ANKMY2: variants seen among roughly 807,000 people sequenced by gnomAD.
The protein encoded by ANKMY2 is ankyrin repeat and MYND domain-containing protein 2.
Under a neutral mutation model 50.4 loss-of-function variants are expected in ANKMY2, and 36 were observed. That is an observed-to-expected ratio of 0.71 (90% CI 0.55 to 0.94). The LOEUF (loss-of-function observed/expected upper bound fraction) is 0.94, where lower values mean the gene tolerates loss of function less well. Ranked by LOEUF, ANKMY2 falls within the 40% of genes least tolerant of loss-of-function variation. ANKMY2 has a pLI of 0.00. For missense variants in ANKMY2, 565 were observed against 524.0 expected (o/e 1.08, Z -0.76); for synonymous variants, 187 against 178.8 (o/e 1.05, Z -0.36).
rs1781082307 is a variant in ANKMY2 at position 16,602,389 on chromosome 7, C to T, written c.1132G>A (p.Glu378Lys). 6.2e-7 allele frequency: 1 copy of T among 1,612,570 alleles called. No individual in the cohort carries two copies. Among genetic ancestry groups the T allele is most frequent in the Non-Finnish European group, 8.5e-7 (1 of 1,179,722 alleles). Reference sequence around the variant, plus strand: ...GTTTTTATATACATACGGTTTTCCTCTTGTCTCTTTTCTTTGGCAGCCTCC... The same window carrying T: ...GTTTTTATATACATACGGTTTTCCTTTTGTCTCTTTTCTTTGGCAGCCTCC... The part of the protein sequence containing the change: ...QLEAAKEKRQ[E>K]ENHGKLDVNS... The change falls in exon 9 of 10, where the codon GAG becomes AAG. Residue 378 changes from glutamate (E) to lysine (K), a missense_variant. Transcript: ENST00000306999.
Position 16,645,676 on chromosome 7 carries a change from C to A in ANKMY2, c.-103G>T. ...CAGCCGCAATGAGGCAACTTGAGACCAAGACACTGAGTAGCCAACCGCGGA... is the reference window on the plus strand; with the variant it reads ...CAGCCGCAATGAGGCAACTTGAGACAAAGACACTGAGTAGCCAACCGCGGA... On this transcript the variant is annotated 5_prime_UTR_variant, in exon 1 of 10. Transcript: ENST00000306999. The A allele has an allele frequency of 7.7e-7, 1 of 1,297,744 alleles. No homozygotes were observed. Among genetic ancestry groups the A allele is most frequent in the South Asian group, 1.4e-5 (1 of 70,732 alleles). The allele number at this position is 1,297,744 out of a possible 1,614,324, so 80.4% of individuals were successfully genotyped here.
intron 4 of ANKMY2, among the ~76,000 whole-genome samples, chr7:16,621,601 T>C (rs1323087216): frequency 6.6e-6 from 1 of 152,194 alleles, no homozygotes; most frequent in African/African-American, 2.4e-5. Context: ...AGAATACTTA[T>C]GTAACTCCTG....
intron 4 of ANKMY2, among the ~76,000 whole-genome samples, chr7:16,620,386 G>A (rs1186519305): frequency 1.3e-5 from 2 of 152,162 alleles, no homozygotes; most frequent in African/African-American, 4.8e-5. Context: ...GGTATGATTG[G>A]CACAGGTTTT....
intron 8 of ANKMY2, chr7:16,603,627 T>A (rs1457633313): frequency 1.1e-5 from 5 of 471,098 alleles, no homozygotes; most frequent in Non-Finnish European, 2.2e-5. Context: ...CTTGCATTCA[T>A]ACACTTTCTC....
chr7:16,618,178 A>G (rs1781384877), intron 4 of ANKMY2, among the ~76,000 whole-genome samples: 1 of 151,968 alleles, frequency 6.6e-6, no homozygotes, highest in African/African-American at 2.4e-5. Flanking sequence ...TGCCTGCCTT[A>G]GCCTCCCAAA....
At chr7:16,621,130 T>C (rs999517262) in intron 4 of ANKMY2, among the ~76,000 whole-genome samples, 23 of 152,108 alleles carry the variant, frequency 1.5e-4, no homozygotes, top group Admixed American at 3.3e-4. Context: ...AAGAAAAAAA[T>C]ACAGAAATCA....
intron 4 of ANKMY2, among the ~76,000 whole-genome samples, chr7:16,619,354 A>G (rs1293193652): frequency 6.6e-6 from 1 of 151,882 alleles, no homozygotes; most frequent in Non-Finnish European, 1.5e-5. Flanking sequence ...GGGTTTCTCC[A>G]TGTTCATCAG....
At chr7:16,619,583 A>G (rs62443206) in intron 4 of ANKMY2, among the ~76,000 whole-genome samples, 1 of 152,062 alleles carries the variant, frequency 6.6e-6, no homozygotes, top group African/African-American at 2.4e-5. Context: ...TATTTGAATA[A>G]TATGTTTAAA....
chr7:16,613,305 T>G (rs1350570389), intron 5 of ANKMY2, among the ~76,000 whole-genome samples: 1 of 152,212 alleles, frequency 6.6e-6, no homozygotes, highest in African/African-American at 2.4e-5. Flanking sequence ...GAGGTTGTTT[T>G]AAAAGCTGTT....
chr7:16,601,309 T>C (rs966922877), intron 9 of ANKMY2, among the ~76,000 whole-genome samples: 1 of 152,228 alleles, frequency 6.6e-6, no homozygotes, highest in Non-Finnish European at 1.5e-5. Context: ...TTGTTTCCCT[T>C]GTCTATAATA....
Position 16,610,529 on chromosome 7 carries a change from C to A in ANKMY2, c.746+20G>T. Reference sequence around the variant, plus strand: ...TATTCACTTGAGTGTATTTTATAAACGACATAGTAAAAAGAGTACCTTTTG... The same window carrying A: ...TATTCACTTGAGTGTATTTTATAAAAGACATAGTAAAAAGAGTACCTTTTG... On this transcript the variant is annotated intron_variant, in intron 6 of 9. Coordinates refer to ENST00000306999, the MANE Select transcript of ANKMY2 (RefSeq NM_020319.3). 3 of 1,567,516 alleles carry A rather than the reference C, an allele frequency of 1.9e-6. No individual in the cohort carries two copies. The highest frequency in any genetic ancestry group is 8.7e-7 in the Non-Finnish European group (1 of 1,147,040).
intron 4 of ANKMY2, among the ~76,000 whole-genome samples, chr7:16,617,450 C>T (rs1781371704): frequency 6.6e-6 from 1 of 152,218 alleles, no homozygotes; most frequent in Non-Finnish European, 1.5e-5. Flanking sequence ...ATTCTGAAGA[C>T]TACGCCATGC....
chr7:16,613,250 G>T (rs1781285781), intron 5 of ANKMY2, among the ~76,000 whole-genome samples: 1 of 152,134 alleles, frequency 6.6e-6, no homozygotes, highest in Admixed American at 6.5e-5. Flanking sequence ...AGCTATATTA[G>T]GTGCACTGTA....
Position 16,600,669 on chromosome 7 carries a change from G to A in ANKMY2, c.*92C>T, listed in dbSNP as rs760072774. On this transcript the variant is annotated 3_prime_UTR_variant, in exon 10 of 10. Transcript: ENST00000306999. Reference sequence around the variant, plus strand: ...ATGTGGAATCCTGCCATGGTGCCACGCAGGTATAACAAGGTGAGGACAATG... The same window carrying A: ...ATGTGGAATCCTGCCATGGTGCCACACAGGTATAACAAGGTGAGGACAATG... 2.9e-5 allele frequency: 33 copies of A among 1,127,764 alleles called. No homozygotes were observed. The South Asian group carries it at 4.7e-4, about 16-fold the overall frequency. The allele number at this position is 1,127,764 out of a possible 1,614,324, so 69.9% of individuals were successfully genotyped here.
intron 4 of ANKMY2, among the ~76,000 whole-genome samples, chr7:16,618,039 T>C (rs1462114189): frequency 6.6e-6 from 1 of 151,130 alleles, no homozygotes; most frequent in Non-Finnish European, 1.5e-5. Context: ...GCAATTCTCC[T>C]GACTCAGCTT....
intron 5 of ANKMY2, among the ~76,000 whole-genome samples, chr7:16,613,104 T>C (rs950742758): frequency 6.6e-6 from 1 of 152,234 alleles, no homozygotes; most frequent in Non-Finnish European, 1.5e-5. Context: ...CCTGCTCTGC[T>C]GACATTTTTT....
intron 2 of ANKMY2, among the ~76,000 whole-genome samples, chr7:16,630,411 T>C (rs1053694244): frequency 3.3e-5 from 5 of 152,334 alleles, no homozygotes; most frequent in African/African-American, 9.6e-5. Context: ...GATAACCTTG[T>C]AGGTAGTCTG....
At chr7:16,623,798 C>A (rs1337151126) in intron 4 of ANKMY2, among the ~76,000 whole-genome samples, 1 of 152,144 alleles carries the variant, frequency 6.6e-6, no homozygotes, top group African/African-American at 2.4e-5. Context: ...CAAGGCCATA[C>A]CTTTCTCAAG....
At chr7:16,603,406 T>A (rs1781103090) in intron 8 of ANKMY2, 1 of 328,566 alleles carries the variant, frequency 3.0e-6, no homozygotes, top group Admixed American at 3.8e-5. Context: ...GAATTCTAAC[T>A]GGAGAAAATA....
Sources: gnomAD v4.1 joint callset for allele counts (sites outside exome capture counted in the v4.1 genomes callset) on GRCh38, gnomAD v4.1.1 for gene constraint, MANE v1.5 for transcripts, NCBI Gene and HGNC (gene_info 2026-07-23, HGNC 2026-07-21) for gene names.